Variants in SGCZ observed in about 807,000 individuals in gnomAD.
SGCZ encodes sarcoglycan zeta.
A neutral mutation model predicts 41.3 loss-of-function variants in SGCZ; 40 were observed. The observed-to-expected ratio is 0.97, with a 90% CI of 0.75 to 1.26. The LOEUF is 1.26. Among genes scored for constraint, SGCZ ranks in the 50% most tolerant of loss-of-function variants. SGCZ has a pLI of 0.00. For missense variants in SGCZ, 552 were observed against 369.8 expected (o/e 1.49, Z -4.04); for synonymous variants, 206 against 137.5 (o/e 1.50, Z -3.49).
At chr8:14,469,089 T>C (rs1354670836) in intron 2 of SGCZ, among the ~76,000 whole-genome samples, 1 of 152,014 alleles carries the variant, frequency 6.6e-6, no homozygotes, top group Non-Finnish European at 1.5e-5. Flanking sequence ...AAAATGAAAA[T>C]CCAGCAAGTC....
chr8:14,210,699 T>G (rs532525202), intron 4 of SGCZ, among the ~76,000 whole-genome samples: 39 of 152,058 alleles, frequency 2.6e-4, no homozygotes, highest in Non-Finnish European at 5.0e-4. Flanking sequence ...TATCCTGACC[T>G]CAGGTGATCC....
chr8:15,040,399 G>A (rs999533143), intron 1 of SGCZ, among the ~76,000 whole-genome samples: 7 of 152,260 alleles, frequency 4.6e-5, no homozygotes, highest in Admixed American at 3.9e-4. Context: ...CGGATCACCT[G>A]AGGTAGGAAT....
intron 3 of SGCZ, among the ~76,000 whole-genome samples, chr8:14,322,412 G>C (rs1324625070): frequency 2.0e-5 from 3 of 152,078 alleles, no homozygotes; most frequent in Non-Finnish European, 4.4e-5. Flanking sequence ...GGAAGCGCAA[G>C]TGGCTCCACC....
chr8:14,282,847 C>CATTTTTT (rs1800491996), intron 3 of SGCZ, among the ~76,000 whole-genome samples: 1 of 89,930 alleles, frequency 1.1e-5, no homozygotes, highest in Non-Finnish European at 2.0e-5. Context: ...CTTTCAAATA[C>CATTTTTT]TTTTTTTTTT....
chr8:14,657,584 C>A (rs1807617261), intron 1 of SGCZ, among the ~76,000 whole-genome samples: 1 of 152,022 alleles, frequency 6.6e-6, no homozygotes, highest in East Asian at 1.9e-4. Flanking sequence ...TGGGAACTTT[C>A]TGAATTTGGA....
chr8:14,173,610 A>G (rs1204442164), intron 4 of SGCZ, among the ~76,000 whole-genome samples: 1 of 152,138 alleles, frequency 6.6e-6, no homozygotes, highest in Non-Finnish European at 1.5e-5. Context: ...GCATAAATAC[A>G]ACGTCCATGA....
At chr8:14,806,531 G>T (rs951018333) in intron 1 of SGCZ, among the ~76,000 whole-genome samples, 1 of 152,198 alleles carries the variant, frequency 6.6e-6, no homozygotes, top group East Asian at 1.9e-4. Context: ...ACTAAACCAG[G>T]AGGAAGTTGA....
chr8:14,533,153 C>A (rs1268882302), intron 2 of SGCZ, among the ~76,000 whole-genome samples: 1 of 151,728 alleles, frequency 6.6e-6, no homozygotes, highest in African/African-American at 2.4e-5. Context: ...ACTCCCCCCA[C>A]CCCACAACAG....
intron 2 of SGCZ, among the ~76,000 whole-genome samples, chr8:14,471,557 C>T (rs1452775073): frequency 6.6e-6 from 1 of 151,980 alleles, no homozygotes; most frequent in East Asian, 1.9e-4. Context: ...TATGAATTTC[C>T]TCAAATAAGG....
intron 1 of SGCZ, among the ~76,000 whole-genome samples, chr8:15,069,141 A>AT (rs1195765616): frequency 1.3e-5 from 2 of 152,120 alleles, no homozygotes. Context: ...CAATGGATAG[A>AT]TTTTACTCCA....
intron 1 of SGCZ, among the ~76,000 whole-genome samples, chr8:14,698,287 G>T (rs1243331149): frequency 4.0e-5 from 6 of 151,818 alleles, no homozygotes; most frequent in Non-Finnish European, 7.4e-5. Context: ...TTAATATACT[G>T]ATCCCATTAG....
intron 1 of SGCZ, among the ~76,000 whole-genome samples, chr8:14,961,738 G>A (rs1281868278): frequency 6.6e-6 from 1 of 152,080 alleles, no homozygotes; most frequent in Non-Finnish European, 1.5e-5. Flanking sequence ...TTCACAAGAA[G>A]AGAAAAGGCA....
At chr8:14,834,472 CAT>C (rs1802632005) in intron 1 of SGCZ, among the ~76,000 whole-genome samples, 1 of 152,118 alleles carries the variant, frequency 6.6e-6, no homozygotes, top group Non-Finnish European at 1.5e-5. Context: ...CCCTCCTTAA[CAT>C]AGTTGCTCAG....
At chr8:14,776,730 T>G (rs28566978) in intron 1 of SGCZ, among the ~76,000 whole-genome samples, 18,402 of 151,942 alleles carry the variant, frequency 0.12, 1,742 homozygotes, top group African/African-American at 0.25. Flanking sequence ...CCTGACCTTG[T>G]GACCCGCCCA....
intron 3 of SGCZ, among the ~76,000 whole-genome samples, chr8:14,318,556 T>C (rs1471132416): frequency 1.3e-5 from 2 of 151,886 alleles, no homozygotes; most frequent in East Asian, 1.9e-4. Flanking sequence ...AGACAGTACA[T>C]AGAGAGTGCT....
chr8:15,169,134 G>T (rs2117058528), intron 1 of SGCZ, among the ~76,000 whole-genome samples: 1 of 152,252 alleles, frequency 6.6e-6, no homozygotes, highest in South Asian at 2.1e-4. Context: ...CCTTAAATAG[G>T]CCTCTAAGGA....
intron 1 of SGCZ, among the ~76,000 whole-genome samples, chr8:14,811,154 G>T (rs966964982): frequency 6.6e-6 from 1 of 151,952 alleles, no homozygotes; most frequent in Non-Finnish European, 1.5e-5. Flanking sequence ...AATCTTAATA[G>T]AATAACTTCT....
intron 2 of SGCZ, among the ~76,000 whole-genome samples, chr8:14,542,197 G>C (rs116907388): frequency 2.6e-5 from 4 of 152,042 alleles, no homozygotes; most frequent in Non-Finnish European, 5.9e-5. Context: ...TAGTCATGAA[G>C]TCTTTGTCCA....
rs571432506 is a variant in SGCZ at position 14,931,792 on chromosome 8, T to A, written c.39+305793A>T. 2.6e-5 allele frequency among the ~76,000 whole-genome samples: 4 copies of A among 152,138 alleles called. No individual in the cohort carries two copies. In the South Asian group the frequency reaches 8.3e-4, roughly 31 times the overall value. ...GGGTTGAACATTTAATGGAAATTCG[T>A]CAGTCAGCCACTCCCAACATTCTTA... is the stretch of plus-strand genomic sequence containing the variant. On this transcript the variant is annotated intron_variant, in intron 1 of 7. Coordinates refer to ENST00000382080, the MANE Select transcript of SGCZ (RefSeq NM_139167.4).
Sources: gnomAD v4.1 joint callset for allele counts (sites outside exome capture counted in the v4.1 genomes callset) on GRCh38, gnomAD v4.1.1 for gene constraint, MANE v1.5 for transcripts, NCBI Gene and HGNC (gene_info 2026-07-23, HGNC 2026-07-21) for gene names.